NRG2: variants seen among roughly 807,000 people sequenced by gnomAD.
NRG2 encodes the protein pro-neuregulin-2, membrane-bound isoform.
Under a neutral mutation model 73.9 loss-of-function variants are expected in NRG2, and 27 were observed. The ratio of observed to expected loss-of-function variants is 0.37; its 90% confidence interval spans 0.27 to 0.50. The LOEUF (loss-of-function observed/expected upper bound fraction) is 0.50. Ranked by LOEUF, NRG2 falls within the 20% of genes least tolerant of loss-of-function variation. The pLI is 0.96. For missense variants in NRG2, 1,126 were observed against 1,210.1 expected, an observed-to-expected ratio of 0.93 and a Z score of 1.03; for synonymous variants, 532 against 541.0, an observed-to-expected ratio of 0.98 and a Z score of 0.23.
rs1308451505 is a variant in NRG2, at chr5:139,847,020, A to G, written c.*897T>C. On this transcript the variant is annotated 3_prime_UTR_variant, in exon 10 of 10. Transcript: ENST00000361474. ...CTAGGAGGCAGCCTGTGAGAAGGAA[A>G]TGGTGTTACTTTATTGCTAAAAGGG... 1 of 152,220 alleles carries G rather than the reference A, an allele frequency of 6.6e-6. No individual in the cohort carries two copies. The highest frequency in any genetic ancestry group is 2.4e-5 in the African/African-American group (1 of 41,408). 9.4% of individuals were successfully genotyped at this position (152,220 alleles called of 1,614,324 possible).
intron 1 of NRG2, among the ~76,000 whole-genome samples, chr5:139,898,563 GC>G (rs1221238535): frequency 6.6e-6 from 1 of 152,194 alleles, no homozygotes; most frequent in Non-Finnish European, 1.5e-5. Flanking sequence ...TTTGCAGCTG[GC>G]GAGCTATCCC....
chr5:139,848,751 A>AG lies in NRG2; in HGVS notation c.1773-55dup, dbSNP rs1039990140. 135 of 41,212 alleles carry AG rather than the reference A, an allele frequency of 3.3e-3. No homozygotes were observed. The East Asian group carries it at 0.035, about 11-fold the overall frequency. The allele number at this position is 41,212 out of a possible 1,614,324, so 2.6% of individuals were successfully genotyped here. A position where few individuals can be genotyped will look rare whatever the true frequency, so the allele number is the denominator to read the frequency against. On this transcript the variant is annotated intron_variant, in intron 9 of 9. Coordinates refer to ENST00000361474, the MANE Select transcript of NRG2 (RefSeq NM_004883.3). ...GGGCCAGGCCGGGCCGGCGCGGGGG[A>AG]GGGGGGGTTGGGGGTGGGGTAGGGT...
intron 1 of NRG2, among the ~76,000 whole-genome samples, chr5:139,898,677 C>G (rs1203648252): frequency 1.3e-5 from 2 of 152,180 alleles, no homozygotes; most frequent in Non-Finnish European, 2.9e-5. Flanking sequence ...CGTCCCTTTT[C>G]CCATCCTTTC....
At chr5:139,951,699 A>C (rs1432194960) in intron 1 of NRG2, among the ~76,000 whole-genome samples, 1 of 152,162 alleles carries the variant, frequency 6.6e-6, no homozygotes, top group East Asian at 1.9e-4. Context: ...TCAACTCCTA[A>C]TTGTGTTTCT....
intron 1 of NRG2, among the ~76,000 whole-genome samples, chr5:139,890,914 C>T (rs933636801): frequency 6.6e-6 from 1 of 152,186 alleles, no homozygotes; most frequent in African/African-American, 2.4e-5. Flanking sequence ...ATTGGGTTGA[C>T]ACCTGGTGAT....
rs1484148442 is a variant in NRG2 at position 139,880,913 on chromosome 5, C to G, written c.934G>C (p.Glu312Gln). The G allele has an allele frequency of 6.2e-7, 1 of 1,614,060 alleles. No individual in the cohort carries two copies. Among genetic ancestry groups the G allele is most frequent in the Non-Finnish European group, 8.5e-7 (1 of 1,180,022 alleles). The change falls in exon 3 of 10, where the codon GAG (glutamate) becomes CAG (glutamine). Residue 312 changes from glutamate to glutamine, a missense_variant. This residue lies in a region of NRG2 where 539 missense variants were observed against 703.2 expected (regional missense o/e 0.77). Transcript: ENST00000361474. ...KVEDAGEYVC[E>Q]AENILGKDTV... Reference sequence around the variant, plus strand: ...TCCTTCCCCAGGATGTTCTCGGCCTCGCAGACATACTCCCCAGCGTCCTCC... The same window carrying G: ...TCCTTCCCCAGGATGTTCTCGGCCTGGCAGACATACTCCCCAGCGTCCTCC...
At chr5:139,877,122 A>G (rs1433302328) in intron 3 of NRG2, among the ~76,000 whole-genome samples, 1 of 151,816 alleles carries the variant, frequency 6.6e-6, no homozygotes, top group Non-Finnish European at 1.5e-5. Flanking sequence ...ACATTCCCAA[A>G]CTCCCTTTCA....
At chr5:139,889,908 A>G (rs1227267599) in intron 1 of NRG2, among the ~76,000 whole-genome samples, 2 of 152,230 alleles carry the variant, frequency 1.3e-5, no homozygotes, top group Admixed American at 1.3e-4. Flanking sequence ...ATATGAGACA[A>G]TGCATGTAGA....
At chr5:139,980,206 G>A (rs1057391631) in intron 1 of NRG2, among the ~76,000 whole-genome samples, 11 of 152,126 alleles carry the variant, frequency 7.2e-5, no homozygotes, top group Admixed American at 7.2e-4. Context: ...CAGTCCTGGG[G>A]GCCAGGGACA....
chr5:139,912,552 C>T (rs1750915779), intron 1 of NRG2, among the ~76,000 whole-genome samples: 1 of 152,172 alleles, frequency 6.6e-6, no homozygotes, highest in African/African-American at 2.4e-5. Context: ...TGGCCCTGCC[C>T]TCCTTCCCAC....
intron 1 of NRG2, among the ~76,000 whole-genome samples, chr5:139,990,005 G>C (rs973663298): frequency 1.3e-5 from 2 of 151,274 alleles, no homozygotes; most frequent in Non-Finnish European, 2.9e-5. Context: ...AGCCAGGATG[G>C]TCTTGATCTC....
In NRG2 at chr5:140,042,898, G is replaced by A. The variant is rs748906829; in HGVS notation, c.172C>T (p.Arg58Cys). Residue 58 changes from arginine (R) to cysteine (C), a missense_variant, in exon 1 of 10, where the codon CGT becomes TGT. Coordinates refer to ENST00000361474, the MANE Select transcript of NRG2 (RefSeq NM_004883.3). ...CGCGGCTCTGGGGGCGCAGCGGGACGAGAGATGCTGCTGTTGTTGCTGCTG... is the reference window on the plus strand; with the variant it reads ...CGCGGCTCTGGGGGCGCAGCGGGACAAGAGATGCTGCTGTTGTTGCTGCTG... Reference protein sequence around the residue: ...RSSSNNSSISRPAAPPEPRPQ... With the variant: ...RSSSNNSSISCPAAPPEPRPQ... 11 of 1,526,852 alleles carry A rather than the reference G, an allele frequency of 7.2e-6. No homozygotes were observed. The Admixed American group carries it at 1.8e-4, about 25-fold the overall frequency. 94.6% of individuals were successfully genotyped at this position (1,526,852 alleles called of 1,614,324 possible).
rs1025695029 is a variant in NRG2, at chr5:139,848,734, C to A, written c.1773-37G>T. Reference sequence around the variant, plus strand: ...GGCAGAGGCATGGGCCAGGGCCAGGCCGGGCCGGCGCGGGGGAGGGGGGGT... The same window carrying A: ...GGCAGAGGCATGGGCCAGGGCCAGGACGGGCCGGCGCGGGGGAGGGGGGGT... On this transcript the variant is annotated intron_variant, in intron 9 of 9. Transcript: ENST00000361474. The A allele has an allele frequency of 4.5e-6, 4 of 892,774 alleles. 1 individual carries two copies. Among genetic ancestry groups the A allele is most frequent in the Middle Eastern group, 9.0e-4 (2 of 2,212 alleles). The allele number at this position is 892,774 out of a possible 1,614,324, so 55.3% of individuals were successfully genotyped here.
intron 1 of NRG2, among the ~76,000 whole-genome samples, chr5:140,011,765 A>G (rs1230717722): frequency 6.6e-6 from 1 of 152,240 alleles, no homozygotes; most frequent in East Asian, 1.9e-4. Context: ...GAGGACTCAC[A>G]TCTGGATTTC....
At chr5:140,007,011 A>AC (rs1758957286) in intron 1 of NRG2, among the ~76,000 whole-genome samples, 3 of 152,168 alleles carry the variant, frequency 2.0e-5, no homozygotes, top group African/African-American at 7.2e-5. Flanking sequence ...GTGGTCCTTA[A>AC]CTGGGGTGAT....
At chr5:140,037,839 C>A (rs1044222078) in intron 1 of NRG2, among the ~76,000 whole-genome samples, 1 of 138,018 alleles carries the variant, frequency 7.2e-6, no homozygotes, top group East Asian at 2.2e-4. Flanking sequence ...ACCAGGGAGA[C>A]GGAGGTTGCA....
intron 1 of NRG2, among the ~76,000 whole-genome samples, chr5:139,893,541 C>T (rs1764353763): frequency 6.6e-6 from 1 of 152,196 alleles, no homozygotes. Flanking sequence ...TGCAGCAGCT[C>T]CTTCCCCAGA....
chr5:139,867,781 T>TATGA (rs1349621126), intron 4 of NRG2, among the ~76,000 whole-genome samples: 49 of 135,686 alleles, frequency 3.6e-4, no homozygotes, highest in African/African-American at 1.5e-3. Flanking sequence ...TGTGTGTGTG[T>TATGA]GTGTGTGTGT....
At chr5:139,995,091 G>A (rs564388503) in intron 1 of NRG2, among the ~76,000 whole-genome samples, 65 of 152,280 alleles carry the variant, frequency 4.3e-4, no homozygotes, top group African/African-American at 1.4e-3. Flanking sequence ...ATACTAATTA[G>A]CATTCGAATT....
Sources: gnomAD v4.1 joint callset for allele counts (sites outside exome capture counted in the v4.1 genomes callset) on GRCh38, gnomAD v4.1.1 for gene constraint, gnomAD v4.1.1 regional missense constraint, MANE v1.5 for transcripts, NCBI Gene and HGNC (gene_info 2026-07-23, HGNC 2026-07-21) for gene names.